Variants in RIPPLY2 observed in about 807,000 individuals in gnomAD.
The protein encoded by RIPPLY2 is ripply transcriptional repressor 2.
RIPPLY2 carries 20 observed loss-of-function variants against 17.7 expected under a neutral mutation model. That is an observed-to-expected ratio of 1.13 (90% CI 0.79 to 1.64). RIPPLY2 has a LOEUF of 1.64. RIPPLY2 is among the 40% of genes most tolerant of loss of function. The pLI is 0.00. For synonymous variants in RIPPLY2, 69 were observed against 63.9 expected, an observed-to-expected ratio of 1.08 and a Z score of -0.38; for missense variants, 213 against 169.8, an observed-to-expected ratio of 1.25 and a Z score of -1.41.
At chr6:83,853,944 G>T in intron 2 of RIPPLY2, 153 bp from the exon 3 acceptor site, 1 of 994,788 alleles carries the variant, frequency 1.0e-6, no homozygotes, top group East Asian at 2.5e-5. Flanking sequence ...TGTGTCCTCT[G>T]GAGCGATGGG....
In RIPPLY2 at chr6:83,853,454, G is replaced by A; in HGVS notation, c.38G>A (p.Gly13Glu). The A allele has an allele frequency of 6.5e-7, 1 of 1,542,874 alleles. No homozygotes were observed. The highest frequency in any genetic ancestry group is 8.7e-7 in the Non-Finnish European group (1 of 1,146,186). The change falls in exon 1 of 4, where the codon GGA (glycine) becomes GAA (glutamate). Residue 13 changes from glycine to glutamate, a missense_variant. Gly to Glu is a moderately conservative substitution (Grantham distance 98). Coordinates refer to ENST00000369689, the MANE Select transcript of RIPPLY2 (RefSeq NM_001009994.3). ...GGAGGCGCAGAGGGTACAGAGAGTG[G>A]AGCTGCGGCGTGCGCGGCCACCGAC... ...NAGGAEGTES[G>E]AAACAATDGP...
chr6:83,856,542 A>T (rs1224643529), intron 3 of RIPPLY2: 1 of 152,210 alleles, frequency 6.6e-6, no homozygotes, highest in Non-Finnish European at 1.5e-5. Context: ...TAATACTTAC[A>T]TGCCAGTTAT....
At chr6:83,856,349 G>A (rs959198445) in intron 3 of RIPPLY2, 1 of 152,156 alleles carries the variant, frequency 6.6e-6, no homozygotes, top group Non-Finnish European at 1.5e-5. Context: ...GGAGCATACT[G>A]AACATAATGT....
At chr6:83,853,328 G>A, upstream of RIPPLY2, 1 of 1,016,348 alleles carries the variant, frequency 9.8e-7, no homozygotes, top group Non-Finnish European at 1.4e-6. Context: ...GGCCGCGAGG[G>A]CTATATAAAG....
intron 3 of RIPPLY2, 183 bp downstream of exon 3, chr6:83,854,344 C>T: frequency 1.6e-6 from 1 of 612,752 alleles, no homozygotes; most frequent in South Asian, 1.9e-5. Context: ...CACGGTCCCA[C>T]GTAAAGGGAC....
chr6:83,856,244 G>C (rs1450925474), intron 3 of RIPPLY2: 1 of 152,148 alleles, frequency 6.6e-6, no homozygotes, highest in Non-Finnish European at 1.5e-5. Flanking sequence ...ATAATTGATA[G>C]TTACTTGTTT....
At chr6:83,853,945 G>A (rs927469287) in intron 2 of RIPPLY2, 152 bp from the exon 3 acceptor site, 3 of 1,001,110 alleles carry the variant, frequency 3.0e-6, no homozygotes, top group Admixed American at 2.0e-5. Context: ...GTGTCCTCTG[G>A]AGCGATGGGC....
rs987143487 is a variant in RIPPLY2 at position 83,853,441 on chromosome 6, G to A, written c.25G>A (p.Gly9Ser). The part of the protein sequence containing the change: MENAGGAE[G>S]TESGAAACAA... ...CATGGAGAACGCGGGAGGCGCAGAG[G>A]GTACAGAGAGTGGAGCTGCGGCGTG... Residue 9 changes from glycine (G) to serine (S), a missense_variant, in exon 1 of 4, where the codon GGT becomes AGT. Coordinates refer to ENST00000369689, the MANE Select transcript of RIPPLY2 (RefSeq NM_001009994.3). 10 of 1,543,878 alleles carry A rather than the reference G, an allele frequency of 6.5e-6. No homozygotes were observed. In the East Asian group the frequency reaches 1.2e-4, roughly 19 times the overall value.
At chr6:83,853,232 C>G (rs957203704), upstream of RIPPLY2, 17 of 573,740 alleles carry the variant, frequency 3.0e-5, no homozygotes, top group African/African-American at 2.8e-4. Flanking sequence ...GGGGCTCAGC[C>G]CGGTGCGCCT....
chr6:83,853,824 G>C, intron 2 of RIPPLY2, 51 bp downstream of exon 2: 1 of 1,511,300 alleles, frequency 6.6e-7, no homozygotes, highest in Non-Finnish European at 9.1e-7. Flanking sequence ...GCAGAAGATC[G>C]ACCAGGGCTC....
At chr6:83,855,623 C>G (rs2129125421) in intron 3 of RIPPLY2, 1 of 152,230 alleles carries the variant, frequency 6.6e-6, no homozygotes, top group Non-Finnish European at 1.5e-5. Flanking sequence ...TTTAATGTGC[C>G]TATGGGGCAT....
At chr6:83,857,185 C>G (rs2099455113) in intron 3 of RIPPLY2, 57 bp from the exon 4 acceptor site, 1 of 1,201,786 alleles carries the variant, frequency 8.3e-7, no homozygotes, top group Admixed American at 2.9e-5. Flanking sequence ...TTGACCATTT[C>G]ATGAGTTTAA....
rs781698509 is a variant in RIPPLY2, at chr6:83,854,078, C to A, written c.175-19C>A. The A allele has an allele frequency of 5.0e-6, 8 of 1,611,646 alleles. No homozygotes were observed. In the South Asian group the frequency reaches 8.8e-5, roughly 18 times the overall value. ...GAAGGAGGTGGGTGATAACTGGATTCACTTCCTTTCCTCTCCAGATGCCCG... is the reference window on the plus strand; with the variant it reads ...GAAGGAGGTGGGTGATAACTGGATTAACTTCCTTTCCTCTCCAGATGCCCG... On this transcript the variant is annotated intron_variant, in intron 2 of 3. Transcript: ENST00000369689.
intron 3 of RIPPLY2, chr6:83,856,973 A>G (rs147376448): frequency 1.6e-5 from 3 of 187,842 alleles, no homozygotes; most frequent in African/African-American, 4.6e-5. Flanking sequence ...GTAAACATTG[A>G]TCTTATGCAT....
At chr6:83,856,503 T>G (rs1041118581) in intron 3 of RIPPLY2, 3 of 152,210 alleles carry the variant, frequency 2.0e-5, no homozygotes, top group Non-Finnish European at 4.4e-5. Flanking sequence ...AAGATTAGTA[T>G]TTGTCAGATT....
chr6:83,853,673 C>G (rs375565048), intron 1 of RIPPLY2, 22 bp from the exon 2 acceptor site: 68 of 1,608,820 alleles, frequency 4.2e-5, no homozygotes, highest in Admixed American at 1.5e-4. Flanking sequence ...CTCTGCGCGC[C>G]TTGTGCTCCC....
intron 3 of RIPPLY2, 35 bp from the exon 4 acceptor site, chr6:83,857,207 G>A (rs537239690): frequency 3.6e-5 from 51 of 1,409,198 alleles, no homozygotes; most frequent in East Asian, 3.2e-4. Flanking sequence ...GATCCTGAAT[G>A]TGAAAAAATA....
chr6:83,853,646 G>A, intron 1 of RIPPLY2, 49 bp from the exon 2 acceptor site: 1 of 1,591,492 alleles, frequency 6.3e-7, no homozygotes, highest in Non-Finnish European at 8.6e-7. Context: ...ATTCTCCCGG[G>A]TCTGGGCTCA....
In RIPPLY2 at chr6:83,856,623, C is replaced by T. The variant is rs148652554; in HGVS notation, c.240-619C>T. On this transcript the variant is annotated intron_variant, in intron 3 of 3. Transcript: ENST00000369689. Reference sequence around the variant, plus strand: ...CAAATTTAGTTGAATGGGGAGAAGACAGGCACATAGAATCAAAGTTGAGGT... The same window carrying T: ...CAAATTTAGTTGAATGGGGAGAAGATAGGCACATAGAATCAAAGTTGAGGT... The T allele has an allele frequency of 2.6e-5, 4 of 152,270 alleles. 1 individual carries two copies. Among genetic ancestry groups the T allele is most frequent in the African/African-American group, 9.6e-5 (4 of 41,560 alleles). The allele number at this position is 152,270 out of a possible 1,614,324, so 9.4% of individuals were successfully genotyped here. A position where few individuals can be genotyped will look rare whatever the true frequency, so the allele number is the denominator to read the frequency against.
Sources: gnomAD v4.1 joint callset for allele counts on GRCh38, gnomAD v4.1.1 for gene constraint, MANE v1.5 for transcripts, NCBI Gene and HGNC (gene_info 2026-07-23, HGNC 2026-07-21) for gene names.